Variants in FOXP2 observed in about 807,000 individuals in gnomAD.
The protein encoded by FOXP2 is forkhead box P2, also known as forkhead box protein P2.
A neutral mutation model predicts 115.8 loss-of-function variants in FOXP2; 12 were observed. That is an observed-to-expected ratio of 0.10 (90% confidence interval 0.07 to 0.17). FOXP2 has a LOEUF of 0.17. Among genes scored for constraint, FOXP2 ranks in the 10% least tolerant of loss-of-function variants. FOXP2 has a pLI of 1.00. For synonymous variants in FOXP2, 328 were observed against 297.7 expected (o/e 1.10, Z -1.05); for missense variants, 629 against 843.5 (o/e 0.75, Z 3.15).
At chr7:114,671,271 G>A (rs1807473018) in intron 16 of FOXP2, among the ~76,000 whole-genome samples, 1 of 151,758 alleles carries the variant, frequency 6.6e-6, no homozygotes, top group Admixed American at 6.6e-5. Context: ...CCCATATGTG[G>A]CACTTACAAC....
At chr7:114,569,636 C>G (rs1801192674) in intron 3 of FOXP2, among the ~76,000 whole-genome samples, 2 of 151,788 alleles carry the variant, frequency 1.3e-5, no homozygotes, top group South Asian at 4.1e-4. Flanking sequence ...CAAAATACAA[C>G]TTGAACAATT....
chr7:114,439,911 T>C (rs769201989), intron 2 of FOXP2, among the ~76,000 whole-genome samples: 12 of 152,200 alleles, frequency 7.9e-5, no homozygotes, highest in Non-Finnish European at 1.6e-4. Context: ...ATAGGAGCTT[T>C]ATAGTTTATC....
upstream of FOXP2, chr7:114,414,456 G>A (rs552347684): frequency 6.6e-6 from 1 of 152,614 alleles, no homozygotes; most frequent in South Asian, 2.1e-4. Flanking sequence ...TTGCAACTAT[G>A]CATTGTTTAC....
chr7:114,115,737 A>T (rs1791390731), intron 1 of FOXP2, among the ~76,000 whole-genome samples: 2 of 152,200 alleles, frequency 1.3e-5, no homozygotes, highest in South Asian at 2.1e-4. Context: ...ATAATGACAC[A>T]TTCATCATGG....
At chr7:114,377,515 G>A (rs1468448669) in intron 2 of FOXP2, among the ~76,000 whole-genome samples, 1 of 152,172 alleles carries the variant, frequency 6.6e-6, no homozygotes, top group Admixed American at 6.5e-5. Context: ...GAACTATTTA[G>A]CATTAGTGCT....
chr7:114,678,321 A>G (rs1405523647), intron 16 of FOXP2, among the ~76,000 whole-genome samples: 1 of 152,172 alleles, frequency 6.6e-6, no homozygotes, highest in Admixed American at 6.5e-5. Flanking sequence ...GCCTCAGGAC[A>G]GGCAGCCTGC....
chr7:114,560,879 C>G (rs1023220850), intron 3 of FOXP2: 5 of 152,114 alleles, frequency 3.3e-5, no homozygotes, highest in African/African-American at 9.7e-5. Flanking sequence ...TCACAGAGAT[C>G]TTTAAAAAAT....
At chr7:114,485,003 T>A (rs1452999877) in intron 2 of FOXP2, among the ~76,000 whole-genome samples, 2 of 152,098 alleles carry the variant, frequency 1.3e-5, no homozygotes, top group East Asian at 1.9e-4. Context: ...TAATTTTTAC[T>A]TGAAAAAATC....
intron 3 of FOXP2, among the ~76,000 whole-genome samples, chr7:114,622,291 C>A (rs1437140994): frequency 6.6e-6 from 1 of 151,952 alleles, no homozygotes; most frequent in African/African-American, 2.4e-5. Flanking sequence ...ATTCACCACA[C>A]TTGTCAATCA....
intron 3 of FOXP2, among the ~76,000 whole-genome samples, chr7:114,599,403 G>T (rs1802900504): frequency 6.6e-6 from 1 of 152,056 alleles, no homozygotes; most frequent in Non-Finnish European, 1.5e-5. Flanking sequence ...GCAAGAGTTT[G>T]TGGAAGAATA....
At chr7:114,635,297 A>G (rs1044705968) in intron 6 of FOXP2, among the ~76,000 whole-genome samples, 1 of 152,160 alleles carries the variant, frequency 6.6e-6, no homozygotes, top group Non-Finnish European at 1.5e-5. Context: ...TTAATCAATG[A>G]TCTTGTGATT....
At chr7:114,131,678 G>A (rs976705240) in intron 1 of FOXP2, among the ~76,000 whole-genome samples, 13 of 152,106 alleles carry the variant, frequency 8.5e-5, no homozygotes, top group Non-Finnish European at 1.5e-4. Context: ...CTGTTTACTT[G>A]TAAATAGTAG....
intron 2 of FOXP2, among the ~76,000 whole-genome samples, chr7:114,483,331 C>T (rs776286402): frequency 1.3e-5 from 2 of 151,556 alleles, no homozygotes; most frequent in Non-Finnish European, 3.0e-5. Flanking sequence ...CCTTCCTACT[C>T]TTCAATCTTG....
chr7:114,272,345 T>A (rs1584597800), intron 1 of FOXP2, among the ~76,000 whole-genome samples: 1 of 151,746 alleles, frequency 6.6e-6, no homozygotes, highest in South Asian at 2.1e-4. Flanking sequence ...TGTAGATTTC[T>A]TTTCTTGTAA....
At chr7:114,369,059 T>C (rs1267037870) in intron 2 of FOXP2, among the ~76,000 whole-genome samples, 1 of 152,236 alleles carries the variant, frequency 6.6e-6, no homozygotes, top group Non-Finnish European at 1.5e-5. Context: ...ATGTTGTTTC[T>C]GGCTGCTAGC....
chr7:114,460,601 A>G (rs1339601858), intron 2 of FOXP2, among the ~76,000 whole-genome samples: 5 of 152,214 alleles, frequency 3.3e-5, no homozygotes, highest in Admixed American at 6.5e-5. Flanking sequence ...AGAAAGTTAC[A>G]TAATCTTTCT....
chr7:114,209,450 T>C (rs1246138775), intron 1 of FOXP2, among the ~76,000 whole-genome samples: 1 of 152,232 alleles, frequency 6.6e-6, no homozygotes, highest in African/African-American at 2.4e-5. Flanking sequence ...GAAATCCTTT[T>C]CTTTAAGAAT....
chr7:114,119,986 A>C (rs1791514483), intron 1 of FOXP2, among the ~76,000 whole-genome samples: 1 of 152,162 alleles, frequency 6.6e-6, no homozygotes, highest in Admixed American at 6.5e-5. Flanking sequence ...TGAATAGTAC[A>C]TACCTATATT....
chr7:114,343,801 C>T (rs1361293043), intron 2 of FOXP2, among the ~76,000 whole-genome samples: 2 of 151,676 alleles, frequency 1.3e-5, no homozygotes, highest in Admixed American at 6.6e-5. Context: ...GGCCATTTTA[C>T]TTAAAAATAC....
Sources: allele counts gnomAD v4.1 joint callset (sites outside exome capture counted in the v4.1 genomes callset), GRCh38; gene constraint gnomAD v4.1.1; transcripts MANE v1.5; gene names NCBI Gene and HGNC (gene_info 2026-07-23, HGNC 2026-07-21).